SEMA5A: variants seen among roughly 807,000 people sequenced by gnomAD.
SEMA5A encodes semaphorin-5A.
Under a neutral mutation model 135.5 loss-of-function variants are expected in SEMA5A, and 55 were observed. That is an observed-to-expected ratio of 0.41 (90% confidence interval 0.33 to 0.51). SEMA5A has a LOEUF of 0.51. Among genes scored for constraint, SEMA5A ranks in the 20% least tolerant of loss-of-function variants. The probability of loss-of-function intolerance (pLI) is 0.37; values close to 1 mark genes in which losing one functional copy is unlikely to be tolerated. For synonymous variants in SEMA5A, 580 were observed against 546.5 expected, an observed-to-expected ratio of 1.06 and a Z score of -0.85; for missense variants, 1,290 against 1,419.9, an observed-to-expected ratio of 0.91 and a Z score of 1.47.
chr5:9,352,170 C>T (rs983229385), intron 3 of SEMA5A, among the ~76,000 whole-genome samples: 1 of 151,418 alleles, frequency 6.6e-6, no homozygotes, highest in Admixed American at 6.6e-5. Context: ...GTCTTCAATG[C>T]ATGTGTTAAA....
chr5:9,403,091 C>G (rs1349831997), intron 2 of SEMA5A, among the ~76,000 whole-genome samples: 1 of 152,162 alleles, frequency 6.6e-6, no homozygotes, highest in Non-Finnish European at 1.5e-5. Context: ...TTTCTATCTT[C>G]TCCCATTTTA....
intron 8 of SEMA5A, among the ~76,000 whole-genome samples, chr5:9,203,536 A>G (rs1010623732): frequency 7.9e-5 from 12 of 152,174 alleles, no homozygotes; most frequent in African/African-American, 2.9e-4. Context: ...GACATTGACA[A>G]AGGGTTGGGA....
chr5:9,173,369 C>T (rs1744032193), intron 11 of SEMA5A, among the ~76,000 whole-genome samples: 1 of 147,352 alleles, frequency 6.8e-6, no homozygotes, highest in Non-Finnish European at 1.5e-5. Flanking sequence ...CATCTTTAGT[C>T]CATTCAGGGT....
chr5:9,323,731 G>C (rs575220467), intron 4 of SEMA5A, among the ~76,000 whole-genome samples: 1 of 140,030 alleles, frequency 7.1e-6, no homozygotes, highest in African/African-American at 2.7e-5. Context: ...GCATGATCTC[G>C]ACTCACTGCA....
intron 2 of SEMA5A, among the ~76,000 whole-genome samples, chr5:9,436,051 C>G (rs1233795119): frequency 1.3e-5 from 2 of 152,182 alleles, no homozygotes; most frequent in Non-Finnish European, 2.9e-5. Context: ...CCAGCTCTGC[C>G]TCTGACTCAC....
At chr5:9,274,064 G>A (rs936768288) in intron 5 of SEMA5A, among the ~76,000 whole-genome samples, 9 of 152,114 alleles carry the variant, frequency 5.9e-5, no homozygotes, top group Non-Finnish European at 8.8e-5. Flanking sequence ...AAAGAGTCAA[G>A]ACCCATCGGT....
At chr5:9,379,523 A>G (rs546298877) in intron 3 of SEMA5A, among the ~76,000 whole-genome samples, 1 of 152,242 alleles carries the variant, frequency 6.6e-6, no homozygotes, top group South Asian at 2.1e-4. Flanking sequence ...TCACATTTTT[A>G]TCCTTTGGTT....
chr5:9,266,421 C>T (rs1249431916), intron 5 of SEMA5A, among the ~76,000 whole-genome samples: 2 of 150,336 alleles, frequency 1.3e-5, no homozygotes, highest in Non-Finnish European at 3.0e-5. Context: ...CTTTAGAGGG[C>T]CATGGCTCCT....
chr5:9,091,570 C>T (rs2150124909), intron 16 of SEMA5A, among the ~76,000 whole-genome samples: 1 of 152,286 alleles, frequency 6.6e-6, no homozygotes, highest in African/African-American at 2.4e-5. Context: ...GCATAAATCA[C>T]AATGGGTCGG....
chr5:9,404,937 A>G (rs1756815297), intron 2 of SEMA5A, among the ~76,000 whole-genome samples: 1 of 152,236 alleles, frequency 6.6e-6, no homozygotes, highest in Admixed American at 6.5e-5. Context: ...TATCCAGCCA[A>G]CCAAAGAAAG....
intron 2 of SEMA5A, among the ~76,000 whole-genome samples, chr5:9,437,021 G>A (rs1758056363): frequency 1.3e-5 from 2 of 152,216 alleles, no homozygotes; most frequent in African/African-American, 4.8e-5. Flanking sequence ...GGCCTGACCA[G>A]GAGGATCCCT....
At chr5:9,501,808 C>T (rs1735613755) in intron 1 of SEMA5A, among the ~76,000 whole-genome samples, 1 of 152,190 alleles carries the variant, frequency 6.6e-6, no homozygotes, top group South Asian at 2.1e-4. Flanking sequence ...ATGACAAAAA[C>T]ACAGGTCTTG....
chr5:9,449,951 CAGA>C (rs1246012249), intron 1 of SEMA5A, among the ~76,000 whole-genome samples: 12 of 152,326 alleles, frequency 7.9e-5, no homozygotes, highest in Admixed American at 5.2e-4. Context: ...TTTCTAGTCT[CAGA>C]AGAAGCCTTC....
chr5:9,452,008 G>T (rs2126706652), intron 1 of SEMA5A, among the ~76,000 whole-genome samples: 1 of 152,344 alleles, frequency 6.6e-6, no homozygotes, highest in East Asian at 1.9e-4. Flanking sequence ...CACTTAATCT[G>T]CCTGATGTTA....
chr5:9,310,339 A>G (rs187258405), intron 5 of SEMA5A, among the ~76,000 whole-genome samples: 3 of 152,288 alleles, frequency 2.0e-5, no homozygotes, highest in African/African-American at 7.2e-5. Flanking sequence ...CTATGTTCCA[A>G]TAATACCTTT....
intron 3 of SEMA5A, among the ~76,000 whole-genome samples, chr5:9,370,344 G>A (rs1755084811): frequency 6.6e-6 from 1 of 152,182 alleles, no homozygotes; most frequent in African/African-American, 2.4e-5. Context: ...AAGGTAGGAT[G>A]GGTCAAATAG....
intron 3 of SEMA5A, among the ~76,000 whole-genome samples, chr5:9,367,985 T>C (rs1423501409): frequency 1.3e-5 from 2 of 152,220 alleles, no homozygotes; most frequent in Non-Finnish European, 2.9e-5. Flanking sequence ...AGAAGTCAAG[T>C]AGATGTTGGT....
At chr5:9,285,789 T>A (rs1434759913) in intron 5 of SEMA5A, among the ~76,000 whole-genome samples, 1 of 152,254 alleles carries the variant, frequency 6.6e-6, no homozygotes, top group African/African-American at 2.4e-5. Flanking sequence ...TGACCTCCTA[T>A]AATGACCTTG....
chr5:9,341,943 AT>A (rs537208412), intron 3 of SEMA5A, among the ~76,000 whole-genome samples: 469 of 151,608 alleles, frequency 3.1e-3, no homozygotes, highest in Admixed American at 7.4e-3. Context: ...GTATAATTCC[AT>A]TTTTTTTAAT....
Sources: allele counts gnomAD v4.1 joint callset (sites outside exome capture counted in the v4.1 genomes callset), GRCh38; gene constraint gnomAD v4.1.1; transcripts MANE v1.5; gene names NCBI Gene and HGNC (gene_info 2026-07-23, HGNC 2026-07-21).